CTNNA3: variants seen among roughly 807,000 people sequenced by gnomAD.
The protein encoded by CTNNA3 is catenin alpha-3.
A neutral mutation model predicts 95.7 loss-of-function variants in CTNNA3; 76 were observed. The ratio of observed to expected loss-of-function variants is 0.79; its 90% CI spans 0.66 to 0.96. The LOEUF is 0.96. Among genes scored for constraint, CTNNA3 ranks in the 40% least tolerant of loss-of-function variants. The pLI, the probability that CTNNA3 is intolerant of heterozygous loss-of-function variation, is 0.00. For synonymous variants in CTNNA3, 431 were observed against 374.4 expected (o/e 1.15, Z -1.74); for missense variants, 1,191 against 1,089.8 (o/e 1.09, Z -1.31).
At chr10:66,356,751 T>G (rs1371578312) in intron 12 of CTNNA3, among the ~76,000 whole-genome samples, 1 of 152,090 alleles carries the variant, frequency 6.6e-6, no homozygotes, top group African/African-American at 2.4e-5. Flanking sequence ...GGCTTTTTGT[T>G]GATACCTTTT....
intron 11 of CTNNA3, among the ~76,000 whole-genome samples, chr10:66,497,458 G>C (rs2131954292): frequency 1.3e-5 from 2 of 151,716 alleles, no homozygotes; most frequent in Admixed American, 1.3e-4. Context: ...AGCATATTGA[G>C]ATAAATATAA....
intron 12 of CTNNA3, among the ~76,000 whole-genome samples, chr10:66,337,110 T>C (rs1200076749): frequency 1.3e-5 from 2 of 152,186 alleles, no homozygotes; most frequent in Non-Finnish European, 2.9e-5. Flanking sequence ...TTATTTTTCA[T>C]AAAAATATTG....
chr10:66,951,176 C>T (rs375559666), intron 7 of CTNNA3, among the ~76,000 whole-genome samples: 2 of 150,684 alleles, frequency 1.3e-5, no homozygotes, highest in Non-Finnish European at 2.9e-5. Context: ...GCTGGAGTGG[C>T]GTGATCTTGG....
At chr10:67,560,235 G>A (rs1449803806) in intron 3 of CTNNA3, among the ~76,000 whole-genome samples, 1 of 152,008 alleles carries the variant, frequency 6.6e-6, no homozygotes, top group African/African-American at 2.4e-5. Context: ...GGCAGCCAGA[G>A]AGAAAGGTCG....
At chr10:67,248,665 G>A (rs779075814) in intron 5 of CTNNA3, among the ~76,000 whole-genome samples, 5 of 152,042 alleles carry the variant, frequency 3.3e-5, no homozygotes, top group Non-Finnish European at 4.4e-5. Flanking sequence ...GGGCTCAAGC[G>A]ATCTGCCAGC....
intron 5 of CTNNA3, among the ~76,000 whole-genome samples, chr10:67,401,496 C>G (rs1844921046): frequency 6.6e-6 from 1 of 152,102 alleles, no homozygotes; most frequent in Admixed American, 6.5e-5. Context: ...TGCCTGAATG[C>G]TAAGGCTGAT....
Position 66,743,158 on chromosome 10 carries a change from C to T in CTNNA3, c.1281+23106G>A, listed in dbSNP as rs1303286912. 2.0e-5 allele frequency among the ~76,000 whole-genome samples: 3 copies of T among 152,100 alleles called. 1 individual carries two copies. The highest frequency in any genetic ancestry group is 3.9e-4 in the East Asian group (2 of 5,176). ...CATGACTGGCTGACCCCAAACACCT[C>T]CCCACTGGCTGATTATAATAGACAT... is the stretch of plus-strand genomic sequence containing the variant. On this transcript the variant is annotated intron_variant, in intron 9 of 17. Transcript: ENST00000433211.
intron 12 of CTNNA3, among the ~76,000 whole-genome samples, chr10:66,287,134 A>C (rs1202041988): frequency 6.6e-6 from 1 of 151,982 alleles, no homozygotes; most frequent in Non-Finnish European, 1.5e-5. Context: ...CGTTTATTAA[A>C]GCACCTGTGT....
intron 13 of CTNNA3, among the ~76,000 whole-genome samples, chr10:66,152,277 T>A (rs1012095370): frequency 3.3e-5 from 5 of 151,900 alleles, no homozygotes; most frequent in Non-Finnish European, 7.4e-5. Flanking sequence ...TTACAAGCAC[T>A]TGGAAAAATA....
intron 5 of CTNNA3, among the ~76,000 whole-genome samples, chr10:67,418,828 G>T (rs560188640): frequency 1.3e-4 from 20 of 152,140 alleles, no homozygotes; most frequent in Non-Finnish European, 2.6e-4. Flanking sequence ...ATTTTTGGAA[G>T]TTGTTAAGAG....
At chr10:66,429,590 G>A (rs1293642193) in intron 11 of CTNNA3, among the ~76,000 whole-genome samples, 1 of 152,188 alleles carries the variant, frequency 6.6e-6, no homozygotes, top group African/African-American at 2.4e-5. Flanking sequence ...ATGCAAGGCT[G>A]GTTCAACATA....
chr10:66,378,937 C>A (rs920201751), intron 12 of CTNNA3, among the ~76,000 whole-genome samples: 1 of 152,106 alleles, frequency 6.6e-6, no homozygotes, highest in Non-Finnish European at 1.5e-5. Flanking sequence ...ATTTATATAA[C>A]GCATATATTT....
intron 7 of CTNNA3, among the ~76,000 whole-genome samples, chr10:66,778,032 A>C (rs1194485160): frequency 6.6e-6 from 1 of 152,180 alleles, no homozygotes; most frequent in African/African-American, 2.4e-5. Context: ...TTCTACCCAG[A>C]GCTTAACCCT....
intron 15 of CTNNA3, among the ~76,000 whole-genome samples, chr10:66,039,468 TTCAAAC>T (rs2079637126): frequency 6.6e-6 from 1 of 152,142 alleles, no homozygotes; most frequent in South Asian, 2.1e-4. Context: ...ACTACCCAAC[TTCAAAC>T]TATACTATGG....
intron 7 of CTNNA3, among the ~76,000 whole-genome samples, chr10:67,115,377 T>C (rs1247629136): frequency 2.0e-5 from 3 of 151,914 alleles, no homozygotes; most frequent in East Asian, 1.9e-4. Flanking sequence ...TTAGGAGATA[T>C]ACCTAATGCT....
At chr10:67,346,242 T>G (rs1465933296) in intron 5 of CTNNA3, among the ~76,000 whole-genome samples, 1 of 152,198 alleles carries the variant, frequency 6.6e-6, no homozygotes, top group African/African-American at 2.4e-5. Context: ...CTGTAGTCTT[T>G]CCACTTAAGA....
At chr10:66,097,038 G>A (rs1589390404) in intron 14 of CTNNA3, among the ~76,000 whole-genome samples, 1 of 152,102 alleles carries the variant, frequency 6.6e-6, no homozygotes, top group Non-Finnish European at 1.5e-5. Flanking sequence ...TTGCTTTTTT[G>A]GATATCTATT....
chr10:67,118,045 AG>A (rs1468233035), intron 7 of CTNNA3, among the ~76,000 whole-genome samples: 2 of 152,046 alleles, frequency 1.3e-5, no homozygotes, highest in Non-Finnish European at 2.9e-5. Flanking sequence ...AAGTTTTCTT[AG>A]CATGCTAATA....
intron 10 of CTNNA3, among the ~76,000 whole-genome samples, 164 bp downstream of exon 10, chr10:66,621,528 G>A (rs554924383): frequency 6.6e-6 from 1 of 150,976 alleles, no homozygotes; most frequent in African/African-American, 2.4e-5. Context: ...GGAAGCAGAA[G>A]TTGCAGTCAG....
Sources: allele counts gnomAD v4.1 joint callset (sites outside exome capture counted in the v4.1 genomes callset), GRCh38; gene constraint gnomAD v4.1.1; transcripts MANE v1.5; gene names NCBI Gene and HGNC (gene_info 2026-07-23, HGNC 2026-07-21).